KIAA1958: variants seen among roughly 807,000 people sequenced by gnomAD.
KIAA1958 encodes the protein KIAA1958.
KIAA1958 carries 14 observed loss-of-function variants against 47.2 expected under a neutral mutation model. The ratio of observed to expected loss-of-function variants is 0.30; its 90% CI spans 0.20 to 0.46. The LOEUF (loss-of-function observed/expected upper bound fraction) is 0.46, where lower values mean the gene tolerates loss of function less well. Among genes scored for constraint, KIAA1958 ranks in the 20% least tolerant of loss-of-function variants. The probability of loss-of-function intolerance (pLI) is 1.00; values close to 1 mark genes in which losing one functional copy is unlikely to be tolerated. For synonymous variants in KIAA1958, 354 were observed against 353.3 expected (o/e 1.00, Z -0.02); for missense variants, 803 against 909.2 (o/e 0.88, Z 1.50).
At chr9:112,516,760 A>C (rs1369342985) in intron 1 of KIAA1958, among the ~76,000 whole-genome samples, 2 of 152,238 alleles carry the variant, frequency 1.3e-5, no homozygotes, top group Non-Finnish European at 2.9e-5. Context: ...TGTTAAAGAA[A>C]AAACCTTAGA....
In KIAA1958 at chr9:112,575,234, C is replaced by T. The variant is rs1185731016; in HGVS notation, c.1154C>T (p.Thr385Ile). Residue 385 changes from threonine to isoleucine, a missense_variant, in exon 2 of 4, where the codon ACA becomes ATA. Around this residue, in one of 2 missense-constraint regions of KIAA1958, gnomAD observed 761 missense variants for 829.3 expected, o/e 0.92. Coordinates refer to ENST00000337530, the MANE Select transcript of KIAA1958 (RefSeq NM_133465.4). ...GCTCCAGCCATAACCACTGAGGCCA[C>T]AGCACAGTGCATACCAGGTATGGCA... ...PVAPAITTEA[T>I]AQCIPAYSTK... 2.7e-5 allele frequency: 42 copies of T among 1,555,764 alleles called. No homozygotes were observed. The highest frequency in any genetic ancestry group is 3.5e-5 in the Non-Finnish European group (40 of 1,158,230).
In KIAA1958 at chr9:112,664,365, T is replaced by A. The variant is rs544774062; in HGVS notation, c.*4296T>A. The A allele has an allele frequency of 2.0e-5, 3 of 152,386 alleles. No homozygotes were observed. Among genetic ancestry groups the A allele is most frequent in the Admixed American group, 1.3e-4 (2 of 15,308 alleles). 9.4% of individuals were successfully genotyped at this position (152,386 alleles called of 1,614,324 possible). ...AACCGAATGCTAAATATTATCCTTA[T>A]CAAACATCCATCACTTTGTTGCTTT... On this transcript the variant is annotated 3_prime_UTR_variant, in exon 4 of 4. Transcript: ENST00000337530.
chr9:112,639,621 C>T (rs747395678), intron 2 of KIAA1958, among the ~76,000 whole-genome samples: 41 of 152,174 alleles, frequency 2.7e-4, no homozygotes, highest in Non-Finnish European at 3.4e-4. Context: ...ACATACCAGG[C>T]TGCTCCTCCA....
At chr9:112,584,128 A>G (rs1028946797) in intron 2 of KIAA1958, among the ~76,000 whole-genome samples, 9 of 152,102 alleles carry the variant, frequency 5.9e-5, no homozygotes, top group Non-Finnish European at 7.4e-5. Flanking sequence ...CCTTAGCACA[A>G]TGCTTCAGGG....
At chr9:112,624,259 A>G (rs954284692) in intron 2 of KIAA1958, among the ~76,000 whole-genome samples, 2 of 152,254 alleles carry the variant, frequency 1.3e-5, no homozygotes, top group Non-Finnish European at 2.9e-5. Context: ...CTGTACATCT[A>G]CCATACAATA....
intron 2 of KIAA1958, among the ~76,000 whole-genome samples, chr9:112,643,372 C>T (rs182343377): frequency 2.4e-3 from 372 of 152,276 alleles, no homozygotes; most frequent in Non-Finnish European, 3.9e-3. Context: ...GTTTCCTTAC[C>T]TTGAAAACAG....
chr9:112,660,902 G>T lies in KIAA1958; in HGVS notation c.*833G>T, dbSNP rs1837266615. Reference sequence around the variant, plus strand: ...AGAAGTGCCTATGTTTTATTTCTCAGCACCATGTGAGAGCTCCTTTGATTG... The same window carrying T: ...AGAAGTGCCTATGTTTTATTTCTCATCACCATGTGAGAGCTCCTTTGATTG... On this transcript the variant is annotated 3_prime_UTR_variant, in exon 4 of 4. Coordinates refer to ENST00000337530, the MANE Select transcript of KIAA1958 (RefSeq NM_133465.4). 6.6e-6 allele frequency: 1 copy of T among 152,158 alleles called. No individual in the cohort carries two copies. Among genetic ancestry groups the T allele is most frequent in the Non-Finnish European group, 1.5e-5 (1 of 68,032 alleles). 9.4% of individuals were successfully genotyped at this position (152,158 alleles called of 1,614,324 possible).
chr9:112,609,501 G>T (rs1836288190), intron 2 of KIAA1958, among the ~76,000 whole-genome samples: 1 of 152,142 alleles, frequency 6.6e-6, no homozygotes, highest in South Asian at 2.1e-4. Context: ...ATTGAAACTT[G>T]AATTACAGAG....
intron 3 of KIAA1958, 60 bp from the exon 4 acceptor site, chr9:112,659,203 A>G: frequency 7.1e-7 from 1 of 1,404,400 alleles, no homozygotes; most frequent in Non-Finnish European, 9.8e-7. Flanking sequence ...GATTAGAAGG[A>G]AGGAGGGGTC....
At chr9:112,508,892 A>G (rs1834276655) in intron 1 of KIAA1958, among the ~76,000 whole-genome samples, 3 of 152,154 alleles carry the variant, frequency 2.0e-5, no homozygotes, top group Admixed American at 1.3e-4. Flanking sequence ...TTTCACTTTT[A>G]TAGGCCATTC....
chr9:112,496,134 C>T (rs1370355605), intron 1 of KIAA1958, among the ~76,000 whole-genome samples: 1 of 152,102 alleles, frequency 6.6e-6, no homozygotes, highest in Admixed American at 6.5e-5. Flanking sequence ...TGTTTTAAGC[C>T]ACTAAATTTT....
chr9:112,500,443 T>C (rs1253213327), intron 1 of KIAA1958, among the ~76,000 whole-genome samples: 2 of 151,754 alleles, frequency 1.3e-5, no homozygotes, highest in African/African-American at 4.8e-5. Context: ...TTGATTAACC[T>C]TAATATCATT....
At chr9:112,536,385 C>T (rs890252999) in intron 1 of KIAA1958, among the ~76,000 whole-genome samples, 1 of 152,068 alleles carries the variant, frequency 6.6e-6, no homozygotes, top group African/African-American at 2.4e-5. Context: ...CAGACTTTTT[C>T]AATAAAAGAC....
chr9:112,626,768 A>G (rs1340853179), intron 2 of KIAA1958, among the ~76,000 whole-genome samples: 3 of 151,838 alleles, frequency 2.0e-5, no homozygotes, highest in Non-Finnish European at 4.4e-5. Flanking sequence ...GATTGTTACA[A>G]CTTTTTAAAC....
In KIAA1958 at chr9:112,618,448, G is replaced by A. The variant is rs1389499888; in HGVS notation, c.1172-27202G>A. On this transcript the variant is annotated intron_variant, in intron 2 of 3. Coordinates refer to ENST00000337530, the MANE Select transcript of KIAA1958 (RefSeq NM_133465.4). The surrounding 1 kb of genome is among the most constrained non-coding windows in gnomAD (Gnocchi z 7.1). Reference sequence around the variant, plus strand: ...CAGAGACGGGTCTCGAGTACTTGGAGTGGATGGGTCAGGACACTGGAGACT... The same window carrying A: ...CAGAGACGGGTCTCGAGTACTTGGAATGGATGGGTCAGGACACTGGAGACT... 3.9e-6 allele frequency: 6 copies of A among 1,551,090 alleles called. No individual in the cohort carries two copies. Among genetic ancestry groups the A allele is most frequent in the East Asian group, 2.4e-5 (1 of 40,930 alleles).
At chr9:112,531,220 C>A (rs1310965979) in intron 1 of KIAA1958, among the ~76,000 whole-genome samples, 3 of 152,136 alleles carry the variant, frequency 2.0e-5, no homozygotes, top group African/African-American at 7.2e-5. Context: ...GAAACCCCAT[C>A]TCTACTAAAA....
chr9:112,527,595 T>C (rs1427438726), intron 1 of KIAA1958, among the ~76,000 whole-genome samples: 2 of 152,124 alleles, frequency 1.3e-5, no homozygotes, highest in African/African-American at 4.8e-5. Flanking sequence ...ATATTCTCTG[T>C]GCTGGGGGGA....
At chr9:112,511,473 G>A (rs1320266475) in intron 1 of KIAA1958, among the ~76,000 whole-genome samples, 1 of 152,176 alleles carries the variant, frequency 6.6e-6, no homozygotes, top group African/African-American at 2.4e-5. Flanking sequence ...AGAAGTGAAT[G>A]TGTACAAAGG....
intron 1 of KIAA1958, among the ~76,000 whole-genome samples, chr9:112,528,292 G>A (rs974667047): frequency 2.0e-5 from 3 of 152,118 alleles, no homozygotes; most frequent in African/African-American, 7.2e-5. Flanking sequence ...TGTCCCACGT[G>A]ACAGAATGTT....
Sources: gnomAD v4.1 joint callset for allele counts (sites outside exome capture counted in the v4.1 genomes callset) on GRCh38, gnomAD v4.1.1 for gene constraint, gnomAD v4.1.1 regional missense constraint, Gnocchi (gnomAD v3.1) non-coding constraint, MANE v1.5 for transcripts, NCBI Gene and HGNC (gene_info 2026-07-23, HGNC 2026-07-21) for gene names.